The following PXDNL variants were observed in gnomAD, a reference collection of about 807,000 sequenced individuals.
The protein encoded by PXDNL is probable oxidoreductase PXDNL.
A neutral mutation model predicts 150.8 loss-of-function variants in PXDNL; 145 were observed. The ratio of observed to expected loss-of-function variants is 0.96; its 90% confidence interval spans 0.84 to 1.10. The LOEUF (loss-of-function observed/expected upper bound fraction) is 1.10. Among genes scored for constraint, PXDNL ranks in the 50% least tolerant of loss-of-function variants. PXDNL has a pLI of 0.00. For missense variants in PXDNL, 2,087 were observed against 1,873.9 expected (o/e 1.11, Z -2.10); for synonymous variants, 757 against 725.7 (o/e 1.04, Z -0.69).
chr8:51,623,058 AG>A (rs1380722771), intron 2 of PXDNL, among the ~76,000 whole-genome samples: 3 of 152,250 alleles, frequency 2.0e-5, no homozygotes, highest in African/African-American at 7.2e-5. Context: ...AGAAGTACAA[AG>A]GTTTCCATAC....
chr8:51,480,029 A>G (rs1810566422), intron 6 of PXDNL, among the ~76,000 whole-genome samples: 1 of 152,128 alleles, frequency 6.6e-6, no homozygotes, highest in Admixed American at 6.6e-5. Context: ...AAGGATTAGG[A>G]GTGGGTGAAA....
At chr8:51,715,693 G>T (rs1816602365) in intron 1 of PXDNL, among the ~76,000 whole-genome samples, 2 of 152,108 alleles carry the variant, frequency 1.3e-5, no homozygotes, top group Non-Finnish European at 2.9e-5. Context: ...ACCCTCCAAA[G>T]ATCCTTATGA....
At chr8:51,554,206 T>C (rs1301234822) in intron 4 of PXDNL, among the ~76,000 whole-genome samples, 1 of 152,180 alleles carries the variant, frequency 6.6e-6, no homozygotes, top group East Asian at 1.9e-4. Flanking sequence ...CTAAGCCCAC[T>C]TGAGTGACAG....
intron 1 of PXDNL, among the ~76,000 whole-genome samples, chr8:51,661,581 G>C (rs1178080185): frequency 6.6e-6 from 1 of 152,182 alleles, no homozygotes; most frequent in Non-Finnish European, 1.5e-5. Flanking sequence ...TGCAACATCA[G>C]CTCTTTCCTG....
intron 12 of PXDNL, among the ~76,000 whole-genome samples, chr8:51,438,657 G>A (rs1211369130): frequency 6.6e-6 from 1 of 152,170 alleles, no homozygotes; most frequent in Non-Finnish European, 1.5e-5. Context: ...GGAGCTTGCA[G>A]TGAGCCGAGA....
In PXDNL at chr8:51,354,037, C is replaced by T. The variant is rs1806430799; in HGVS notation, c.3902-8090G>A. ...TCTTAATGCACTGAAACTTCAGGCACATTTGGGTCTTATGAGGATTTTAAG... is the reference window on the plus strand; with the variant it reads ...TCTTAATGCACTGAAACTTCAGGCATATTTGGGTCTTATGAGGATTTTAAG... On this transcript the variant is annotated intron_variant, in intron 19 of 22. Coordinates refer to ENST00000356297, the MANE Select transcript of PXDNL (RefSeq NM_144651.5). Among the ~76,000 whole-genome samples the T allele has an allele frequency of 2.0e-5, 3 of 152,066 alleles. No individual in the cohort carries two copies. The South Asian group carries it at 6.2e-4, about 31-fold the overall frequency.
At chr8:51,335,720 C>T (rs1183011986) in intron 21 of PXDNL, among the ~76,000 whole-genome samples, 2 of 151,274 alleles carry the variant, frequency 1.3e-5, no homozygotes, top group Non-Finnish European at 3.0e-5. Flanking sequence ...CACACACACA[C>T]ATCCATGCCC....
At chr8:51,422,038 G>C (rs971704278) in intron 14 of PXDNL, among the ~76,000 whole-genome samples, 2 of 152,210 alleles carry the variant, frequency 1.3e-5, no homozygotes, top group South Asian at 2.1e-4. Context: ...AGGGGCACTA[G>C]ATTCTAATAG....
At chr8:51,595,952 T>G (rs1813554577) in intron 2 of PXDNL, among the ~76,000 whole-genome samples, 1 of 152,158 alleles carries the variant, frequency 6.6e-6, no homozygotes, top group Non-Finnish European at 1.5e-5. Flanking sequence ...ATATGTTACC[T>G]CGGTATATTG....
intron 1 of PXDNL, among the ~76,000 whole-genome samples, chr8:51,789,216 G>C (rs1247923327): frequency 6.8e-6 from 1 of 146,748 alleles, no homozygotes; most frequent in Non-Finnish European, 1.5e-5. Context: ...TTTTTGCTGT[G>C]TTTTTATGTT....
chr8:51,349,178 T>TGG (rs1563368530), intron 19 of PXDNL, among the ~76,000 whole-genome samples: 7 of 39,734 alleles, frequency 1.8e-4, no homozygotes, highest in African/African-American at 3.0e-4. Context: ...TGTGTGGGGG[T>TGG]GTGTGTGTGT....
chr8:51,395,423 C>G (rs1209446469), intron 17 of PXDNL, among the ~76,000 whole-genome samples: 4 of 152,090 alleles, frequency 2.6e-5, no homozygotes, highest in Non-Finnish European at 4.4e-5. Context: ...TAATAAATGT[C>G]TGTGAAATGT....
intron 4 of PXDNL, among the ~76,000 whole-genome samples, chr8:51,537,399 T>A (rs914065392): frequency 2.0e-5 from 3 of 152,218 alleles, no homozygotes; most frequent in Admixed American, 2.0e-4. Flanking sequence ...CTCAGACATA[T>A]AAATTGGCAG....
rs533997526 is a variant in PXDNL at position 51,651,613 on chromosome 8, C to T, written c.236+3076G>A. On this transcript the variant is annotated intron_variant, in intron 2 of 22. Transcript: ENST00000356297. ...AGTATCAGCCCTAGAATCAGATCTTCGTATTTCTGTTGTTGCTATTTAAAT... is the reference window on the plus strand; with the variant it reads ...AGTATCAGCCCTAGAATCAGATCTTTGTATTTCTGTTGTTGCTATTTAAAT... 3.9e-5 allele frequency among the ~76,000 whole-genome samples: 6 copies of T among 152,216 alleles called. No homozygotes were observed. The South Asian group carries it at 1.0e-3, about 26-fold the overall frequency.
intron 4 of PXDNL, among the ~76,000 whole-genome samples, chr8:51,553,806 T>A (rs1401481961): frequency 6.7e-6 from 1 of 149,420 alleles, no homozygotes; most frequent in Admixed American, 6.6e-5. Context: ...GGCATGTTAC[T>A]TCAAAGATGC....
chr8:51,403,754 T>C (rs1218889674), intron 17 of PXDNL, among the ~76,000 whole-genome samples: 1 of 152,218 alleles, frequency 6.6e-6, no homozygotes, highest in Non-Finnish European at 1.5e-5. Flanking sequence ...ATGTGGAAGC[T>C]TCATCTCCGA....
intron 4 of PXDNL, among the ~76,000 whole-genome samples, chr8:51,542,597 T>G (rs1812243685): frequency 1.3e-5 from 2 of 151,290 alleles, no homozygotes; most frequent in South Asian, 4.2e-4. Flanking sequence ...TCACATGAGG[T>G]CAGCAGTTTG....
At chr8:51,352,886 G>T (rs933340744) in intron 19 of PXDNL, among the ~76,000 whole-genome samples, 2 of 152,130 alleles carry the variant, frequency 1.3e-5, no homozygotes, top group African/African-American at 4.8e-5. Context: ...TCACTTATGA[G>T]TGGGAGCTAA....
At chr8:51,495,703 A>T (rs1811030422) in intron 5 of PXDNL, among the ~76,000 whole-genome samples, 1 of 152,212 alleles carries the variant, frequency 6.6e-6, no homozygotes, top group African/African-American at 2.4e-5. Context: ...ATTCCTCGAC[A>T]CATACACCCT....
Sources: gnomAD v4.1 joint callset for allele counts (sites outside exome capture counted in the v4.1 genomes callset) on GRCh38, gnomAD v4.1.1 for gene constraint, MANE v1.5 for transcripts, NCBI Gene and HGNC (gene_info 2026-07-23, HGNC 2026-07-21) for gene names.